CD58: variants seen among roughly 807,000 people sequenced by gnomAD.
CD58 encodes the protein CD58 molecule.
In CD58, 14 loss-of-function variants were observed where a neutral mutation model predicts 27.6. That is an observed-to-expected ratio of 0.51 (90% CI 0.34 to 0.79). The LOEUF (loss-of-function observed/expected upper bound fraction) is 0.79. CD58 is among the 30% of genes least tolerant of loss of function. The probability of loss-of-function intolerance (pLI) is 0.02; values close to 1 mark genes in which losing one functional copy is unlikely to be tolerated. For synonymous variants in CD58, 117 were observed against 103.8 expected, an observed-to-expected ratio of 1.13 and a Z score of -0.77; for missense variants, 268 against 301.7, an observed-to-expected ratio of 0.89 and a Z score of 0.83.
intron 2 of CD58, among the ~76,000 whole-genome samples, chr1:116,540,864 C>A (rs1272756776): frequency 6.6e-6 from 1 of 152,194 alleles, no homozygotes; most frequent in East Asian, 1.9e-4. Flanking sequence ...GACTGGAGTG[C>A]AGAGGTGCAA....
chr1:116,539,345 G>A (rs1270743305), intron 2 of CD58, among the ~76,000 whole-genome samples: 1 of 152,086 alleles, frequency 6.6e-6, no homozygotes, highest in African/African-American at 2.4e-5. Context: ...GTCCTTTTAG[G>A]AGCTGGAAGA....
chr1:116,521,363 G>C lies in CD58; in HGVS notation c.706+543C>G, dbSNP rs78902094. ...TTTGAGAGGGATTACTCATTACCAG[G>C]AATGAACAGGCTGGGAACAAATTCT... On this transcript the variant is annotated intron_variant, in intron 4 of 5. Coordinates refer to ENST00000369489, the MANE Select transcript of CD58 (RefSeq NM_001779.3). This position sits in a 1 kb window ranked among gnomAD's most constrained non-coding sequence, Gnocchi z 5.6. 1.1e-3 allele frequency among the ~76,000 whole-genome samples: 174 copies of C among 152,292 alleles called. 3 individuals carry two copies. In the East Asian group the frequency reaches 0.03, roughly 26 times the overall value.
In CD58 at chr1:116,563,800, A is replaced by G. The variant is rs1294734308; in HGVS notation, c.70+7103T>C. Among the ~76,000 whole-genome samples, 3 of 152,212 alleles carry G rather than the reference A, an allele frequency of 2.0e-5. No homozygotes were observed. The highest frequency in any genetic ancestry group is 4.4e-5 in the Non-Finnish European group (3 of 68,028). Reference sequence around the variant, plus strand: ...AACAATTTTTCCCTCCAAGGCCTCCAGGCCTGTGATAGGAGGGGCTGCCAT... The same window carrying G: ...AACAATTTTTCCCTCCAAGGCCTCCGGGCCTGTGATAGGAGGGGCTGCCAT... On this transcript the variant is annotated intron_variant, in intron 1 of 5. Transcript: ENST00000369489. The surrounding 1 kb of genome is among the most constrained non-coding windows in gnomAD (Gnocchi z 4.1).
At position 116,541,367 on chromosome 1, in the gene CD58, T is replaced by C. The variant is rs144466822; in HGVS notation, c.364+2944A>G. On this transcript the variant is annotated intron_variant, in intron 2 of 5. Transcript: ENST00000369489. This position sits in a 1 kb window ranked among gnomAD's most constrained non-coding sequence, Gnocchi z 5.3. ...TCTTAGCAAGCTGTATTTGTCTAAA[T>C]AGAGTCCACAGGGGTCAGACCTCAC... 7.9e-5 allele frequency among the ~76,000 whole-genome samples: 12 copies of C among 152,360 alleles called. No individual in the cohort carries two copies. The East Asian group carries it at 2.1e-3, about 27-fold the overall frequency.
intron 5 of CD58, among the ~76,000 whole-genome samples, chr1:116,518,173 G>A (rs1240378538): frequency 6.6e-6 from 1 of 152,082 alleles, no homozygotes; most frequent in East Asian, 1.9e-4. Context: ...CTTGTCCAAG[G>A]CCTGTGAGAA....
In CD58 at chr1:116,563,893, T is replaced by G. The variant is rs1658849335; in HGVS notation, c.70+7010A>C. 6.6e-6 allele frequency among the ~76,000 whole-genome samples: 1 copy of G among 152,226 alleles called. No homozygotes were observed. On this transcript the variant is annotated intron_variant, in intron 1 of 5. Transcript: ENST00000369489. This position sits in a 1 kb window ranked among gnomAD's most constrained non-coding sequence, Gnocchi z 4.1. ...TCGTGATTAACATTTGGCTCCTCAT[T>G]ACTTAATGCAAATTTCTGCAGCTGG... is the stretch of plus-strand genomic sequence containing the variant.
chr1:116,521,021 G>T lies in CD58; in HGVS notation c.706+885C>A, dbSNP rs112579271. 6.6e-6 allele frequency among the ~76,000 whole-genome samples: 1 copy of T among 152,182 alleles called. No homozygotes were observed. The highest frequency in any genetic ancestry group is 2.4e-5 in the African/African-American group (1 of 41,436). ...GCCACTAGCCAGATGTAGGTATTGA[G>T]CACTTGAAAGGTGGTTAGTGTAACT... On this transcript the variant is annotated intron_variant, in intron 4 of 5. Coordinates refer to ENST00000369489, the MANE Select transcript of CD58 (RefSeq NM_001779.3). This position sits in a 1 kb window ranked among gnomAD's most constrained non-coding sequence, Gnocchi z 5.6.
In CD58 at chr1:116,515,611, G is replaced by C. The variant is rs549374079; in HGVS notation, c.744-789C>G. On this transcript the variant is annotated intron_variant, in intron 5 of 5. Coordinates refer to ENST00000369489, the MANE Select transcript of CD58 (RefSeq NM_001779.3). This position sits in a 1 kb window ranked among gnomAD's most constrained non-coding sequence, Gnocchi z 4.6. The stretch of plus-strand genomic sequence containing the variant: ...ATTCTTGTTGGGGCAGCTTTTTGCC[G>C]GTCTCTGCTTCCCTGCCCTCTCCCA... Among the ~76,000 whole-genome samples, 2 of 152,226 alleles carry C rather than the reference G, an allele frequency of 1.3e-5. No homozygotes were observed. Among genetic ancestry groups the C allele is most frequent in the South Asian group, 4.1e-4 (2 of 4,832 alleles).
chr1:116,522,538 A>C lies in CD58; in HGVS notation c.629-555T>G, dbSNP rs1657291426. ...AGGTTATAAACAGATCATTAACAAAAATCTTATGACTAGAGGCTCACAGGA... is the reference window on the plus strand; with the variant it reads ...AGGTTATAAACAGATCATTAACAAACATCTTATGACTAGAGGCTCACAGGA... On this transcript the variant is annotated intron_variant, in intron 3 of 5. Coordinates refer to ENST00000369489, the MANE Select transcript of CD58 (RefSeq NM_001779.3). The surrounding 1 kb of genome is among the most constrained non-coding windows in gnomAD (Gnocchi z 4.6). 6.6e-6 allele frequency among the ~76,000 whole-genome samples: 1 copy of C among 152,218 alleles called. No individual in the cohort carries two copies. Among genetic ancestry groups the C allele is most frequent in the Non-Finnish European group, 1.5e-5 (1 of 68,054 alleles).
At chr1:116,537,279 G>A (rs956808235) in intron 2 of CD58, among the ~76,000 whole-genome samples, 2 of 152,158 alleles carry the variant, frequency 1.3e-5, no homozygotes, top group Non-Finnish European at 2.9e-5. Flanking sequence ...TAGGAATGAA[G>A]TAAATACTTG....
At chr1:116,568,055 C>CAAA (rs34531651) in intron 1 of CD58, among the ~76,000 whole-genome samples, 4,298 of 81,590 alleles carry the variant, frequency 0.053, 262 homozygotes, top group African/African-American at 0.17. Context: ...CTTAAAGTAC[C>CAAA]AAAAAAAAAA....
rs3789718 is a variant in CD58, at chr1:116,532,100, C to T, written c.628+3865G>A. On this transcript the variant is annotated intron_variant, in intron 3 of 5. Coordinates refer to ENST00000369489, the MANE Select transcript of CD58 (RefSeq NM_001779.3). The surrounding 1 kb of genome is among the most constrained non-coding windows in gnomAD (Gnocchi z 5.1). ...GGAGAACACTGCCGAATCCCAACTC[C>T]GGCAGCAGGGCGGTGCCTGTGTCAC... 1.7e-4 allele frequency among the ~76,000 whole-genome samples: 26 copies of T among 152,366 alleles called. No individual in the cohort carries two copies. In the East Asian group the frequency reaches 4.4e-3, roughly 26 times the overall value.
At position 116,539,868 on chromosome 1, in the gene CD58, G is replaced by GT. The variant is rs1374130912; in HGVS notation, c.365-3641dup. ...AAGCAGCATTAAACTGGCAAGAAAT[G>GT]TGCCTACTTCCTCCCTAAGACAATT... On this transcript the variant is annotated intron_variant, in intron 2 of 5. Coordinates refer to ENST00000369489, the MANE Select transcript of CD58 (RefSeq NM_001779.3). Among the ~76,000 whole-genome samples the GT allele has an allele frequency of 2.6e-5, 4 of 152,182 alleles. No homozygotes were observed. The East Asian group carries it at 7.7e-4, about 29-fold the overall frequency.
At chr1:116,544,279 A>G (rs1462767197) in intron 2 of CD58, 32 bp downstream of exon 2, 3 of 1,514,200 alleles carry the variant, frequency 2.0e-6, no homozygotes, top group Non-Finnish European at 2.7e-6. Context: ...GAAATTTGCC[A>G]TTTTAAACAA....
intron 1 of CD58, among the ~76,000 whole-genome samples, chr1:116,555,154 T>G (rs1658522339): frequency 6.6e-6 from 1 of 152,072 alleles, no homozygotes; most frequent in African/African-American, 2.4e-5. Flanking sequence ...CTAATAACCA[T>G]GCCAGAGTGC....
intron 2 of CD58, among the ~76,000 whole-genome samples, chr1:116,539,419 T>C (rs1657919755): frequency 6.6e-6 from 1 of 152,100 alleles, no homozygotes; most frequent in African/African-American, 2.4e-5. Flanking sequence ...TCCTAAACTG[T>C]CTTATTTTCA....
chr1:116,546,723 A>C lies in CD58; in HGVS notation c.71-2119T>G, dbSNP rs1450352614. On this transcript the variant is annotated intron_variant, in intron 1 of 5. Coordinates refer to ENST00000369489, the MANE Select transcript of CD58 (RefSeq NM_001779.3). The surrounding 1 kb of genome is among the most constrained non-coding windows in gnomAD (Gnocchi z 4.1). ...GAACAGTAGAAGAAAGTAGTCAGGA[A>C]TGGAGCTAGTGGTGGAGGGAAGTGA... is the stretch of plus-strand genomic sequence containing the variant. 1.6e-3 allele frequency among the ~76,000 whole-genome samples: 239 copies of C among 152,310 alleles called. 4 individuals carry two copies. The highest frequency in any genetic ancestry group is 6.8e-3 in the Middle Eastern group (2 of 294).
rs1156351674 is a variant in CD58 at position 116,541,079 on chromosome 1, G to A, written c.364+3232C>T. Among the ~76,000 whole-genome samples the A allele has an allele frequency of 6.6e-6, 1 of 152,192 alleles. No individual in the cohort carries two copies. The highest frequency in any genetic ancestry group is 2.4e-5 in the African/African-American group (1 of 41,450). On this transcript the variant is annotated intron_variant, in intron 2 of 5. Coordinates refer to ENST00000369489, the MANE Select transcript of CD58 (RefSeq NM_001779.3). This position sits in a 1 kb window ranked among gnomAD's most constrained non-coding sequence, Gnocchi z 5.3. ...CCTCCTCAGCCTCACAAAGTGCTGG[G>A]ATTATAGCCTTGAGCCACAATGCCC...
chr1:116,533,093 TACAGC>T, intron 3 of CD58: 1 of 743,952 alleles, frequency 1.3e-6, no homozygotes, highest in South Asian at 1.4e-5. Context: ...CCCAGCGAAG[TACAGC>T]ACAGCCTGTG....
Sources: allele counts gnomAD v4.1 joint callset (sites outside exome capture counted in the v4.1 genomes callset), GRCh38; gene constraint gnomAD v4.1.1; non-coding constraint Gnocchi (gnomAD v3.1); transcripts MANE v1.5; gene names NCBI Gene and HGNC (gene_info 2026-07-23, HGNC 2026-07-21).